The following CEP70 variants were observed in gnomAD, a reference collection of about 807,000 sequenced individuals.
CEP70 encodes the protein centrosomal protein 70.
In CEP70, 70 loss-of-function variants were observed where a neutral mutation model predicts 90.9. The ratio of observed to expected loss-of-function variants is 0.77; its 90% confidence interval spans 0.64 to 0.94. The LOEUF is 0.94. Ranked by LOEUF, CEP70 falls within the 40% of genes least tolerant of loss-of-function variation. The pLI, the probability that CEP70 is intolerant of heterozygous loss-of-function variation, is 0.00. For missense variants in CEP70, 648 were observed against 669.0 expected (o/e 0.97, Z 0.35); for synonymous variants, 220 against 228.3 (o/e 0.96, Z 0.33).
chr3:138,592,016 T>C, intron 1 of CEP70, 60 bp from the exon 2 acceptor site: 1 of 603,566 alleles, frequency 1.7e-6, no homozygotes, highest in Non-Finnish European at 2.8e-6. Flanking sequence ...CTAGTAAGAA[T>C]GGTCTTGTGT....
intron 11 of CEP70, among the ~76,000 whole-genome samples, chr3:138,523,200 A>C (rs1212440165): frequency 2.0e-5 from 3 of 152,196 alleles, no homozygotes; most frequent in Admixed American, 6.5e-5. Context: ...TCGCTCAATA[A>C]ATTAGGTATT....
intron 2 of CEP70, among the ~76,000 whole-genome samples, chr3:138,584,461 C>CAAAAAAAAAAAAAAA (rs35985463): frequency 1.1e-5 from 1 of 92,148 alleles, no homozygotes; most frequent in Non-Finnish European, 2.1e-5. Flanking sequence ...AAAGACATAT[C>CAAAAAAAAAAAAAAA]AAAAAAAAAA....
In CEP70 at chr3:138,572,848, T is replaced by C; in HGVS notation, c.69+11A>G. On this transcript the variant is annotated intron_variant, in intron 3 of 17. Transcript: ENST00000264982. ...TTTGAGAAGCAGTGTCTTAAAATAT[T>C]TTAAGTTTACCTGTTTTTCAGTCAT... 2 of 1,552,166 alleles carry C rather than the reference T, an allele frequency of 1.3e-6. No homozygotes were observed. Among genetic ancestry groups the C allele is most frequent in the African/African-American group, 2.7e-5 (2 of 73,676 alleles).
intron 6 of CEP70, among the ~76,000 whole-genome samples, chr3:138,568,552 A>C (rs1433161056): frequency 6.6e-6 from 1 of 152,166 alleles, no homozygotes; most frequent in African/African-American, 2.4e-5. Context: ...TGATTTAAAG[A>C]GCTTCAGATT....
At position 138,497,546 on chromosome 3, in the gene CEP70, A is replaced by G. The variant is rs1030133561; in HGVS notation, c.1732+485T>C. ...GACACTACTACTAATGAAGCCCTCA[A>G]TCTGACCCTCAGTATAAGTGTAATA... On this transcript the variant is annotated intron_variant, in intron 17 of 17. Transcript: ENST00000264982. 1.1e-5 allele frequency: 11 copies of G among 966,924 alleles called. No homozygotes were observed. In the African/African-American group the frequency reaches 1.4e-4, roughly 12 times the overall value. The allele number at this position is 966,924 out of a possible 1,614,324, so 59.9% of individuals were successfully genotyped here. A position where few individuals can be genotyped will look rare whatever the true frequency, so the allele number is the denominator to read the frequency against.
At chr3:138,498,132 T>G (rs1489028996) in intron 16 of CEP70, 22 bp from the exon 17 acceptor site, 2 of 1,589,262 alleles carry the variant, frequency 1.3e-6, no homozygotes, top group East Asian at 2.2e-5. Flanking sequence ...ATGCACAATT[T>G]AAACCTGATT....
At chr3:138,506,793 G>C (rs960266453) in intron 12 of CEP70, among the ~76,000 whole-genome samples, 4 of 152,194 alleles carry the variant, frequency 2.6e-5, no homozygotes, top group Admixed American at 6.5e-5. Context: ...CTAAGATGGA[G>C]TGCAGTGGTG....
chr3:138,544,014 G>A (rs968065706), intron 6 of CEP70, among the ~76,000 whole-genome samples: 1 of 152,090 alleles, frequency 6.6e-6, no homozygotes, highest in Non-Finnish European at 1.5e-5. Context: ...CTGTTGTCCA[G>A]GCACAGGCTC....
intron 6 of CEP70, among the ~76,000 whole-genome samples, chr3:138,542,721 G>A (rs968434723): frequency 6.6e-6 from 1 of 152,214 alleles, no homozygotes; most frequent in Non-Finnish European, 1.5e-5. Flanking sequence ...CGCACAGCCC[G>A]GCGAGTCGGC....
intron 2 of CEP70, among the ~76,000 whole-genome samples, chr3:138,576,051 CA>C (rs2041500633): frequency 6.6e-6 from 1 of 152,104 alleles, no homozygotes; most frequent in Non-Finnish European, 1.5e-5. Flanking sequence ...AACTAATGGG[CA>C]AAATAACCAA....
intron 7 of CEP70, among the ~76,000 whole-genome samples, chr3:138,533,227 G>T (rs765402933): frequency 6.6e-6 from 1 of 151,590 alleles, no homozygotes; most frequent in Non-Finnish European, 1.5e-5. Flanking sequence ...CTTGCAGTGA[G>T]TCAAGAGCGC....
At chr3:138,583,257 G>A (rs1360995186) in intron 2 of CEP70, among the ~76,000 whole-genome samples, 1 of 152,092 alleles carries the variant, frequency 6.6e-6, no homozygotes, top group Non-Finnish European at 1.5e-5. Flanking sequence ...TTCAGCAAGA[G>A]TATGTAACAA....
chr3:138,533,889 A>G (rs546910552), intron 7 of CEP70, among the ~76,000 whole-genome samples: 2 of 151,906 alleles, frequency 1.3e-5, no homozygotes, highest in Non-Finnish European at 2.9e-5. Flanking sequence ...GGTTCACCCC[A>G]TTCTCCTGCC....
In CEP70 at chr3:138,529,361, T is replaced by C. The variant is rs2037599091; in HGVS notation, c.780+14A>G. 1 of 1,584,418 alleles carries C rather than the reference T, an allele frequency of 6.3e-7. No homozygotes were observed. The highest frequency in any genetic ancestry group is 8.6e-7 in the Non-Finnish European group (1 of 1,160,528). ...TTTATTAAAAAGTATTTATTAGTTATGCAGTCCCCATACCATTAAAAGGCC... is the reference window on the plus strand; with the variant it reads ...TTTATTAAAAAGTATTTATTAGTTACGCAGTCCCCATACCATTAAAAGGCC... On this transcript the variant is annotated intron_variant, in intron 9 of 17. Transcript: ENST00000264982.
chr3:138,542,889 C>T (rs2107863083), intron 6 of CEP70, among the ~76,000 whole-genome samples: 1 of 152,234 alleles, frequency 6.6e-6, no homozygotes, highest in African/African-American at 2.4e-5. Flanking sequence ...AGAGAGGAGA[C>T]CCTAAGTGGG....
At chr3:138,507,398 T>C (rs2035085536) in intron 12 of CEP70, among the ~76,000 whole-genome samples, 1 of 152,192 alleles carries the variant, frequency 6.6e-6, no homozygotes, top group African/African-American at 2.4e-5. Context: ...TCAATGAGAT[T>C]TATTTTTTAA....
chr3:138,510,189 G>A (rs1239723816), intron 11 of CEP70, among the ~76,000 whole-genome samples: 1 of 151,552 alleles, frequency 6.6e-6, no homozygotes, highest in African/African-American at 2.4e-5. Context: ...GATGACCTCA[G>A]GATCACCTGA....
intron 2 of CEP70, among the ~76,000 whole-genome samples, chr3:138,582,202 A>G (rs868499049): frequency 4.9e-4 from 74 of 152,184 alleles, no homozygotes; most frequent in Non-Finnish European, 2.1e-4. Flanking sequence ...GTCTGGGCAC[A>G]GTGGCTCATG....
rs149227212 is a variant in CEP70 at position 138,532,156 on chromosome 3, A to G, written c.692+358T>C. Among the ~76,000 whole-genome samples the G allele has an allele frequency of 3.9e-3, 597 of 152,282 alleles. 3 individuals carry two copies. Among genetic ancestry groups the G allele is most frequent in the African/African-American group, 0.014 (574 of 41,556 alleles). On this transcript the variant is annotated intron_variant, in intron 8 of 17. Transcript: ENST00000264982. ...TAAATCTGCATACTAATTAGGTTAC[A>G]CTTTGATAGGCAGCCAATCTAATTC...
Sources: gnomAD v4.1 joint callset for allele counts (sites outside exome capture counted in the v4.1 genomes callset) on GRCh38, gnomAD v4.1.1 for gene constraint, MANE v1.5 for transcripts, NCBI Gene and HGNC (gene_info 2026-07-23, HGNC 2026-07-21) for gene names.